Variants in TLE4 observed in about 807,000 individuals in gnomAD.
TLE4 encodes TLE family member 4, transcriptional corepressor.
A neutral mutation model predicts 92.8 loss-of-function variants in TLE4; 8 were observed. That is an observed-to-expected ratio of 0.09 (90% CI 0.05 to 0.16). The LOEUF (loss-of-function observed/expected upper bound fraction) is 0.16, where lower values mean the gene tolerates loss of function less well. Among genes scored for constraint, TLE4 ranks in the 10% least tolerant of loss-of-function variants. The probability of loss-of-function intolerance (pLI) is 1.00; values close to 1 mark genes in which losing one functional copy is unlikely to be tolerated. For missense variants in TLE4, 675 were observed against 997.6 expected, an observed-to-expected ratio of 0.68 and a Z score of 4.36; for synonymous variants, 371 against 374.1, an observed-to-expected ratio of 0.99 and a Z score of 0.10.
At chr9:79,611,674 A>C (rs1392639785) in intron 4 of TLE4, among the ~76,000 whole-genome samples, 1 of 152,054 alleles carries the variant, frequency 6.6e-6, no homozygotes, top group Non-Finnish European at 1.5e-5. Context: ...TTCCATCATT[A>C]AAATATAAAC....
At chr9:79,648,318 A>T (rs1399180010) in intron 6 of TLE4, among the ~76,000 whole-genome samples, 3 of 152,142 alleles carry the variant, frequency 2.0e-5, no homozygotes, top group African/African-American at 7.2e-5. Flanking sequence ...TTCTCTCCAA[A>T]GTCTCACAGT....
chr9:79,673,826 A>AGTTGTTTT (rs2062810650), intron 8 of TLE4, among the ~76,000 whole-genome samples: 1 of 152,158 alleles, frequency 6.6e-6, no homozygotes, highest in Non-Finnish European at 1.5e-5. Context: ...GGCTCAAAAT[A>AGTTGTTTT]GAGTAGATGG....
At chr9:79,640,147 T>C (rs907804800) in intron 6 of TLE4, among the ~76,000 whole-genome samples, 9 of 152,224 alleles carry the variant, frequency 5.9e-5, no homozygotes, top group Admixed American at 5.9e-4. Context: ...TAGATAGTTG[T>C]ACCATTTACT....
chr9:79,614,789 A>AT (rs1341152180), intron 5 of TLE4, among the ~76,000 whole-genome samples: 2 of 151,742 alleles, frequency 1.3e-5, no homozygotes, highest in Non-Finnish European at 2.9e-5. Context: ...ACAGTATGAG[A>AT]TTTTTCTTTG....
intron 8 of TLE4, among the ~76,000 whole-genome samples, chr9:79,697,813 C>A (rs1040160323): frequency 2.0e-5 from 3 of 152,148 alleles, no homozygotes; most frequent in Non-Finnish European, 4.4e-5. Context: ...GTATTTTCTA[C>A]TACACATGAA....
At chr9:79,605,350 A>T (rs2046561242) in intron 4 of TLE4, among the ~76,000 whole-genome samples, 1 of 152,086 alleles carries the variant, frequency 6.6e-6, no homozygotes. Flanking sequence ...TAGACTTGAG[A>T]ACTGAAATGA....
chr9:79,623,333 A>G (rs2051547671), intron 5 of TLE4, among the ~76,000 whole-genome samples: 1 of 152,154 alleles, frequency 6.6e-6, no homozygotes, highest in Non-Finnish European at 1.5e-5. Flanking sequence ...TGAGAAATAT[A>G]TATTAAACAC....
chr9:79,631,154 C>T (rs2054082779), intron 6 of TLE4, among the ~76,000 whole-genome samples: 1 of 152,132 alleles, frequency 6.6e-6, no homozygotes, highest in South Asian at 2.1e-4. Flanking sequence ...AAATTATTTG[C>T]CATCAATTGT....
At position 79,721,800 on chromosome 9, in the gene TLE4, A is replaced by G. The variant is rs745401933; in HGVS notation, c.1898A>G (p.Lys633Arg). ...ATTGACATTTCTAATGATGGCACCA[A>G]GCTCTGGACAGGTGGTTTGGACAAC... ...SCIDISNDGT[K>R]LWTGGLDNTV... Residue 633 changes from lysine (K) to arginine (R), a missense_variant, in exon 17 of 20, where the codon AAG (lysine) becomes AGG (arginine). Lys to Arg is a conservative substitution (Grantham distance 26). Coordinates refer to ENST00000376552, the MANE Select transcript of TLE4 (RefSeq NM_007005.6). 1.4e-5 allele frequency: 22 copies of G among 1,614,206 alleles called. No individual in the cohort carries two copies. In the South Asian group the frequency reaches 1.9e-4, roughly 14 times the overall value.
At chr9:79,596,152 T>A (rs1392877154) in intron 4 of TLE4, among the ~76,000 whole-genome samples, 1 of 152,138 alleles carries the variant, frequency 6.6e-6, no homozygotes, top group African/African-American at 2.4e-5. Context: ...GGCCGTTTAG[T>A]ATCTACTTAA....
intron 4 of TLE4, among the ~76,000 whole-genome samples, chr9:79,593,473 A>T (rs1021375793): frequency 6.6e-6 from 1 of 152,140 alleles, no homozygotes; most frequent in African/African-American, 2.4e-5. Context: ...TATCAGTTCT[A>T]CACTCTTGGA....
intron 4 of TLE4, among the ~76,000 whole-genome samples, chr9:79,602,892 A>T (rs960155332): frequency 1.3e-5 from 2 of 152,154 alleles, no homozygotes; most frequent in Admixed American, 1.3e-4. Context: ...CGTTAAGAAC[A>T]TTTGTGGTTC....
At chr9:79,594,449 C>G (rs141278424) in intron 4 of TLE4, among the ~76,000 whole-genome samples, 1 of 152,230 alleles carries the variant, frequency 6.6e-6, no homozygotes, top group African/African-American at 2.4e-5. Flanking sequence ...TTATTATCTG[C>G]ACAACCTCTC....
intron 5 of TLE4, among the ~76,000 whole-genome samples, chr9:79,626,295 A>C (rs375943664): frequency 2.0e-5 from 3 of 152,216 alleles, no homozygotes; most frequent in Admixed American, 6.5e-5. Context: ...ATTATTAAGC[A>C]GTGTGGTAGT....
chr9:79,717,544 A>AT (rs2136180049), intron 14 of TLE4, among the ~76,000 whole-genome samples: 1 of 152,318 alleles, frequency 6.6e-6, no homozygotes, highest in East Asian at 1.9e-4. Context: ...GCCACAATGC[A>AT]TGCGTCATTT....
intron 8 of TLE4, among the ~76,000 whole-genome samples, chr9:79,660,241 G>T (rs188353973): frequency 1.3e-5 from 2 of 152,292 alleles, no homozygotes; most frequent in Admixed American, 6.5e-5. Flanking sequence ...GGATCTCAAG[G>T]CTGTAACTCA....
intron 8 of TLE4, among the ~76,000 whole-genome samples, chr9:79,691,535 C>T (rs191643290): frequency 4.6e-5 from 7 of 152,212 alleles, no homozygotes; most frequent in African/African-American, 1.7e-4. Context: ...CACACCTCAC[C>T]GTGTGCTGGG....
chr9:79,669,748 A>T (rs113929806), intron 8 of TLE4, among the ~76,000 whole-genome samples: 1 of 142,452 alleles, frequency 7.0e-6, no homozygotes, highest in South Asian at 2.2e-4. Flanking sequence ...GACCAAATCT[A>T]GGAAAGAATA....
chr9:79,593,647 G>C (rs1051275645), intron 4 of TLE4, among the ~76,000 whole-genome samples: 2 of 152,160 alleles, frequency 1.3e-5, no homozygotes, highest in African/African-American at 4.8e-5. Context: ...GAAAGCAAAA[G>C]AAAGAAACTC....
Sources: allele counts gnomAD v4.1 joint callset (sites outside exome capture counted in the v4.1 genomes callset), GRCh38; gene constraint gnomAD v4.1.1; transcripts MANE v1.5; gene names NCBI Gene and HGNC (gene_info 2026-07-23, HGNC 2026-07-21).